ACADM: variants seen among roughly 807,000 people sequenced by gnomAD.
ACADM encodes acyl-CoA dehydrogenase medium chain, also known as medium-chain specific acyl-CoA dehydrogenase, mitochondrial.
Under a neutral mutation model 58.9 loss-of-function variants are expected in ACADM, and 49 were observed. The ratio of observed to expected loss-of-function variants is 0.83; its 90% CI spans 0.66 to 1.06. The LOEUF (loss-of-function observed/expected upper bound fraction) is 1.06. Ranked by LOEUF, ACADM falls within the 50% of genes least tolerant of loss-of-function variation. ACADM has a pLI of 0.00. For synonymous variants in ACADM, 160 were observed against 157.7 expected, an observed-to-expected ratio of 1.01 and a Z score of -0.11; for missense variants, 496 against 507.0, an observed-to-expected ratio of 0.98 and a Z score of 0.21.
intron 1 of ACADM, among the ~76,000 whole-genome samples, chr1:75,725,588 T>A (rs756447275): frequency 6.6e-6 from 1 of 152,130 alleles, no homozygotes; most frequent in Non-Finnish European, 1.5e-5. Context: ...CAAGGAAGGA[T>A]CTAAAAAAAA....
At position 75,745,950 on chromosome 1, in the gene ACADM, TATTTTA is replaced by T. The variant is rs1191893869; in HGVS notation, c.708+40_708+45del. ...TATTAATGATTAGGGCCCCAAATATTATTTTAATTATAAATTGCAAAATTACTTAAC... is the reference window on the plus strand; with the variant it reads ...TATTAATGATTAGGGCCCCAAATATTATTATAAATTGCAAAATTACTTAAC... On this transcript the variant is annotated intron_variant, in intron 8 of 11. Transcript: ENST00000370841. 12 of 1,428,914 alleles carry T rather than the reference TATTTTA, an allele frequency of 8.4e-6. No individual in the cohort carries two copies. The Admixed American group carries it at 1.5e-4, about 18-fold the overall frequency. The allele number at this position is 1,428,914 out of a possible 1,614,324, so 88.5% of individuals were successfully genotyped here.
At chr1:75,757,844 G>A (rs1648596047) in intron 10 of ACADM, among the ~76,000 whole-genome samples, 1 of 152,150 alleles carries the variant, frequency 6.6e-6, no homozygotes, top group Admixed American at 6.5e-5. Context: ...CCTACCCAGA[G>A]ATAGCATCAG....
At chr1:75,762,240 T>G (rs1169842794) in intron 11 of ACADM, among the ~76,000 whole-genome samples, 1 of 152,006 alleles carries the variant, frequency 6.6e-6, no homozygotes, top group African/African-American at 2.4e-5. Flanking sequence ...AAGGTCTGAC[T>G]CTTGAAATCC....
Position 75,733,197 on chromosome 1 carries a change from T to A in ACADM, c.286+275T>A, listed in dbSNP as rs766134786. ...GTCAATTTGTTGTGTTTTATTCCTA[T>A]CTTCTATATTACATTTTATTGAGTC... On this transcript the variant is annotated intron_variant, in intron 4 of 11. Coordinates refer to ENST00000370841, the MANE Select transcript of ACADM (RefSeq NM_000016.6). 5.0e-6 allele frequency: 8 copies of A among 1,604,964 alleles called. No individual in the cohort carries two copies. The African/African-American group carries it at 1.1e-4, about 22-fold the overall frequency.
chr1:75,755,576 A>G lies in ACADM; in HGVS notation c.945+5030A>G, dbSNP rs562139848. 8.7e-4 allele frequency among the ~76,000 whole-genome samples: 132 copies of G among 152,370 alleles called. 1 individual carries two copies. Among genetic ancestry groups the G allele is most frequent in the African/African-American group, 3.1e-3 (131 of 41,590 alleles). Reference sequence around the variant, plus strand: ...ACTGATAGAAGGAAAACTAACAAACAGAAAGGACATTCACACCAAAACCGC... The same window carrying G: ...ACTGATAGAAGGAAAACTAACAAACGGAAAGGACATTCACACCAAAACCGC... On this transcript the variant is annotated intron_variant, in intron 10 of 11. Transcript: ENST00000370841.
Position 75,750,482 on chromosome 1 carries a change from G to C in ACADM, c.881G>C (p.Arg294Thr), listed in dbSNP as rs779759347. The change falls in exon 10 of 12, where the codon AGA (arginine) becomes ACA (threonine). Residue 294 changes from arginine to threonine, a missense_variant. By Grantham distance (71) the Arg-to-Thr change is moderately conservative (BLOSUM62 -1). Coordinates refer to ENST00000370841, the MANE Select transcript of ACADM (RefSeq NM_000016.6). The part of the protein sequence containing the change: ...VAAGAVGLAQ[R>T]ALDEATKYAL... Reference sequence around the variant, plus strand: ...GCTGGTGCTGTTGGATTAGCACAAAGAGCTTTGGATGAAGCTACCAAGTAT... The same window carrying C: ...GCTGGTGCTGTTGGATTAGCACAAACAGCTTTGGATGAAGCTACCAAGTAT... The C allele has an allele frequency of 1.3e-5, 21 of 1,612,416 alleles. No homozygotes were observed. The highest frequency in any genetic ancestry group is 1.8e-5 in the Non-Finnish European group (21 of 1,179,812).
chr1:75,748,054 T>A (rs1465184643), intron 8 of ACADM, among the ~76,000 whole-genome samples: 1 of 152,236 alleles, frequency 6.6e-6, no homozygotes, highest in Non-Finnish European at 1.5e-5. Context: ...AGTTTATAGC[T>A]CTTTGTTTCC....
intron 1 of ACADM, among the ~76,000 whole-genome samples, chr1:75,726,255 A>G (rs2100339927): frequency 6.6e-6 from 1 of 152,186 alleles, no homozygotes; most frequent in Middle Eastern, 3.4e-3. Context: ...TAAAAATAGG[A>G]AAAATTAGCT....
intron 11 of ACADM, 136 bp downstream of exon 11, chr1:75,761,506 T>C (rs758231348): frequency 2.2e-6 from 2 of 914,518 alleles, no homozygotes; most frequent in Non-Finnish European, 3.4e-6. Context: ...TGAGCCAGTT[T>C]TTGGAATTAA....
Position 75,732,628 on chromosome 1 carries a change from A to G in ACADM, c.119-16A>G, listed in dbSNP as rs760185676. 9 of 1,601,228 alleles carry G rather than the reference A, an allele frequency of 5.6e-6. No homozygotes were observed. Among genetic ancestry groups the G allele is most frequent in the African/African-American group, 1.3e-5 (1 of 74,626 alleles). ...TTGTTATCCAGTTTTAACTTTTCTAAATAATTTTCCCTTAGAGTTCACCGA... is the reference window on the plus strand; with the variant it reads ...TTGTTATCCAGTTTTAACTTTTCTAGATAATTTTCCCTTAGAGTTCACCGA... On this transcript the variant is annotated splice_polypyrimidine_tract_variant and intron_variant, in intron 2 of 11. Transcript: ENST00000370841.
intron 11 of ACADM, 112 bp downstream of exon 11, chr1:75,761,482 G>A (rs897146263): frequency 8.5e-7 from 1 of 1,179,308 alleles, no homozygotes; most frequent in Non-Finnish European, 1.2e-6. Context: ...ATAAATGACT[G>A]TCATATATGG....
intron 7 of ACADM, chr1:75,743,738 T>C: frequency 6.5e-7 from 1 of 1,542,912 alleles, no homozygotes; most frequent in Non-Finnish European, 9.0e-7. Flanking sequence ...AGTTCAGTGA[T>C]GGTCTGTTCA....
chr1:75,726,897 C>T (rs11161468), intron 1 of ACADM, among the ~76,000 whole-genome samples: 37,341 of 150,548 alleles, frequency 0.25, 4,947 homozygotes, highest in Non-Finnish European at 0.3. Context: ...CTCCGCCTTC[C>T]GGGTTCAAGC....
At chr1:75,758,073 T>C (rs935776343) in intron 10 of ACADM, among the ~76,000 whole-genome samples, 3 of 152,122 alleles carry the variant, frequency 2.0e-5, no homozygotes, top group South Asian at 2.1e-4. Context: ...TTAATTATTA[T>C]TTTTTTCATA....
At chr1:75,735,975 C>A (rs899450247) in intron 6 of ACADM, among the ~76,000 whole-genome samples, 41 of 151,958 alleles carry the variant, frequency 2.7e-4, no homozygotes, top group Middle Eastern at 3.4e-3. Flanking sequence ...CACAGTGAGA[C>A]CCTGTCTCTA....
intron 7 of ACADM, chr1:75,744,372 T>G (rs928200663): frequency 3.2e-6 from 5 of 1,564,540 alleles, no homozygotes; most frequent in Non-Finnish European, 4.4e-6. Context: ...GAGTGCCTCC[T>G]TCGACTTTTC....
chr1:75,733,001 C>T, intron 4 of ACADM, 79 bp downstream of exon 4: 1 of 1,610,232 alleles, frequency 6.2e-7, no homozygotes, highest in Non-Finnish European at 8.5e-7. Flanking sequence ...TCATTTTTTT[C>T]AAATATTTCT....
At chr1:75,760,346 TG>T (rs1345510054) in intron 10 of ACADM, among the ~76,000 whole-genome samples, 1 of 141,082 alleles carries the variant, frequency 7.1e-6, no homozygotes, top group African/African-American at 2.6e-5. Flanking sequence ...CGCTTGAACC[TG>T]GGGGGCAGAG....
At chr1:75,727,042 A>G (rs966819500) in intron 1 of ACADM, among the ~76,000 whole-genome samples, 6 of 151,994 alleles carry the variant, frequency 3.9e-5, no homozygotes, top group Non-Finnish European at 7.4e-5. Context: ...TGACCTCGTG[A>G]TCCGCCCACC....
Sources: gnomAD v4.1 joint callset for allele counts (sites outside exome capture counted in the v4.1 genomes callset) on GRCh38, gnomAD v4.1.1 for gene constraint, MANE v1.5 for transcripts, NCBI Gene and HGNC (gene_info 2026-07-23, HGNC 2026-07-21) for gene names.